Variants in SHROOM3 observed in about 807,000 individuals in gnomAD.
SHROOM3 encodes protein Shroom3.
SHROOM3 carries 47 observed loss-of-function variants against 138.6 expected under a neutral mutation model. The ratio of observed to expected loss-of-function variants is 0.34; its 90% CI spans 0.27 to 0.43. The LOEUF is 0.43. SHROOM3 is among the 20% of genes least tolerant of loss of function. The pLI is 1.00. For missense variants in SHROOM3, 2,491 were observed against 2,596.5 expected (o/e 0.96, Z 0.88); for synonymous variants, 1,062 against 1,063.3 (o/e 1.00, Z 0.02).
rs571869352 is a variant in SHROOM3, at chr4:76,660,600, T to C, written c.324-49556T>C. Among the ~76,000 whole-genome samples, 510 of 152,068 alleles carry C rather than the reference T, an allele frequency of 3.4e-3. 3 individuals carry two copies. The highest frequency in any genetic ancestry group is 0.011 in the African/African-American group (467 of 41,502). On this transcript the variant is annotated intron_variant, in intron 2 of 10. Coordinates refer to ENST00000296043, the MANE Select transcript of SHROOM3 (RefSeq NM_020859.4). ...AAATGATTCGTCTGCCTCAGCCTCC[T>C]GAGTAGCTGGGATTACAGGCACCTG...
intron 2 of SHROOM3, among the ~76,000 whole-genome samples, chr4:76,704,513 A>T (rs1719994538): frequency 6.6e-6 from 1 of 152,248 alleles, no homozygotes; most frequent in African/African-American, 2.4e-5. Flanking sequence ...CCAAGAAATG[A>T]ATTGGGAAGA....
At chr4:76,661,133 T>C (rs547517177) in intron 2 of SHROOM3, among the ~76,000 whole-genome samples, 33 of 152,298 alleles carry the variant, frequency 2.2e-4, no homozygotes, top group Non-Finnish European at 4.1e-4. Flanking sequence ...TGAGAGATAA[T>C]TTATATAAAA....
In SHROOM3 at chr4:76,709,527, T is replaced by C. The variant is rs184115653; in HGVS notation, c.324-629T>C. 2.0e-3 allele frequency among the ~76,000 whole-genome samples: 304 copies of C among 149,518 alleles called. 2 individuals carry two copies. Among genetic ancestry groups the C allele is most frequent in the Non-Finnish European group, 1.7e-3 (116 of 67,614 alleles). Reference sequence around the variant, plus strand: ...ATTTTTCTCTGACTCCCTGGGAGTATGGAGGAAGAGAGTTATGGGAATGGT... The same window carrying C: ...ATTTTTCTCTGACTCCCTGGGAGTACGGAGGAAGAGAGTTATGGGAATGGT... On this transcript the variant is annotated intron_variant, in intron 2 of 10. Coordinates refer to ENST00000296043, the MANE Select transcript of SHROOM3 (RefSeq NM_020859.4).
chr4:76,653,889 C>G (rs1577954020), intron 2 of SHROOM3, among the ~76,000 whole-genome samples: 2 of 152,080 alleles, frequency 1.3e-5, no homozygotes, highest in Admixed American at 6.5e-5. Flanking sequence ...ATTTATTGAG[C>G]CTTTGCAACA....
intron 1 of SHROOM3, among the ~76,000 whole-genome samples, chr4:76,544,268 T>A (rs894254410): frequency 6.6e-6 from 1 of 152,148 alleles, no homozygotes; most frequent in Non-Finnish European, 1.5e-5. Context: ...CAAATGAGTA[T>A]GAAAATAAAT....
chr4:76,550,486 A>G (rs62300889), intron 1 of SHROOM3, among the ~76,000 whole-genome samples: 57,415 of 151,968 alleles, frequency 0.38, 10,904 homozygotes, highest in East Asian at 0.4. Context: ...TCATAATGGA[A>G]GAGTATTTGG....
chr4:76,570,227 G>A (rs1276512154), intron 2 of SHROOM3, among the ~76,000 whole-genome samples: 2 of 151,962 alleles, frequency 1.3e-5, no homozygotes, highest in Non-Finnish European at 2.9e-5. Context: ...CAAGGGCAGA[G>A]CAACCTGCAG....
intron 2 of SHROOM3, among the ~76,000 whole-genome samples, chr4:76,627,343 G>C (rs1735175554): frequency 6.6e-6 from 1 of 152,084 alleles, no homozygotes. Flanking sequence ...TTTATTTCTG[G>C]AATAACATAC....
chr4:76,548,181 G>A (rs1379919037), intron 1 of SHROOM3, among the ~76,000 whole-genome samples: 1 of 151,590 alleles, frequency 6.6e-6, no homozygotes, highest in East Asian at 1.9e-4. Flanking sequence ...GGAAGACAGT[G>A]CCTGCCATGC....
chr4:76,557,643 G>A (rs1733514403), intron 2 of SHROOM3, among the ~76,000 whole-genome samples: 2 of 152,192 alleles, frequency 1.3e-5, no homozygotes, highest in South Asian at 4.1e-4. Flanking sequence ...AGGTAACTGT[G>A]TGTTGATTAA....
At chr4:76,666,172 G>A (rs866297654) in intron 2 of SHROOM3, among the ~76,000 whole-genome samples, 10 of 152,272 alleles carry the variant, frequency 6.6e-5, no homozygotes, top group African/African-American at 1.7e-4. Flanking sequence ...CTGCATTGTC[G>A]GTCTAGGGTT....
chr4:76,503,199 G>A (rs577701977), intron 1 of SHROOM3, among the ~76,000 whole-genome samples: 126 of 55,664 alleles, frequency 2.3e-3, no homozygotes, highest in African/African-American at 7.2e-3. Flanking sequence ...ACACACACAT[G>A]CCTAGAGTTT....
chr4:76,721,557 A>G (rs1198429458), intron 3 of SHROOM3, among the ~76,000 whole-genome samples: 11 of 152,208 alleles, frequency 7.2e-5, no homozygotes, highest in Admixed American at 7.2e-4. Context: ...GAGGGCTTTT[A>G]TTTGAGAAGG....
chr4:76,710,321 G>C, intron 3 of SHROOM3, 34 bp downstream of exon 3: 1 of 1,611,798 alleles, frequency 6.2e-7, no homozygotes. Context: ...TGGCAGTTCG[G>C]AAAAAGAACC....
chr4:76,748,172 C>T (rs1406653463), intron 5 of SHROOM3, among the ~76,000 whole-genome samples: 1 of 152,080 alleles, frequency 6.6e-6, no homozygotes, highest in Non-Finnish European at 1.5e-5. Flanking sequence ...TTATTAGTTT[C>T]TCAACCACTA....
intron 2 of SHROOM3, among the ~76,000 whole-genome samples, chr4:76,620,020 A>G (rs10017322): frequency 0.2 from 29,107 of 148,276 alleles, 3,654 homozygotes; most frequent in African/African-American, 0.35. Context: ...GCAGTGAGCC[A>G]AGATGATGCC....
intron 3 of SHROOM3, among the ~76,000 whole-genome samples, chr4:76,717,600 A>G (rs1720412705): frequency 6.6e-6 from 1 of 152,074 alleles, no homozygotes; most frequent in South Asian, 2.1e-4. Context: ...AGGCACAAAG[A>G]TTCTTTCCTT....
At chr4:76,644,255 C>CTTTTT (rs757146332) in intron 2 of SHROOM3, 1 of 139,272 alleles carries the variant, frequency 7.2e-6, no homozygotes, top group African/African-American at 2.6e-5. Flanking sequence ...TTTTCTTTTT[C>CTTTTT]TTTTTTTTTT....
chr4:76,608,663 T>TAGCACAGCAC (rs199824465), intron 2 of SHROOM3, among the ~76,000 whole-genome samples: 2 of 31,386 alleles, frequency 6.4e-5, no homozygotes, highest in African/African-American at 1.1e-4. Context: ...TAGCATAGCA[T>TAGCACAGCAC]AGCACAGCAT....
Sources: allele counts gnomAD v4.1 joint callset (sites outside exome capture counted in the v4.1 genomes callset), GRCh38; gene constraint gnomAD v4.1.1; transcripts MANE v1.5; gene names NCBI Gene and HGNC (gene_info 2026-07-23, HGNC 2026-07-21).